Variants in FMN1 observed in about 807,000 individuals in gnomAD.
The protein encoded by FMN1 is formin-1.
Under a neutral mutation model 132.4 loss-of-function variants are expected in FMN1, and 110 were observed. The ratio of observed to expected loss-of-function variants is 0.83; its 90% CI spans 0.71 to 0.97. The LOEUF is 0.97. Among genes scored for constraint, FMN1 ranks in the 50% least tolerant of loss-of-function variants. The pLI is 0.00. For synonymous variants in FMN1, 722 were observed against 651.7 expected (o/e 1.11, Z -1.64); for missense variants, 1,792 against 1,705.3 (o/e 1.05, Z -0.90).
intron 5 of FMN1, among the ~76,000 whole-genome samples, chr15:33,080,698 C>A (rs2038418732): frequency 6.6e-6 from 1 of 151,986 alleles, no homozygotes; most frequent in African/African-American, 2.4e-5. Context: ...ACCAGCCTGA[C>A]CAACATGGTG....
Position 33,162,399 on chromosome 15 carries a change from G to A in FMN1, c.-131-7354C>T, listed in dbSNP as rs142861661. Among the ~76,000 whole-genome samples the A allele has an allele frequency of 1.3e-4, 19 of 151,284 alleles. No individual in the cohort carries two copies. In the East Asian group the frequency reaches 3.7e-3, roughly 29 times the overall value. On this transcript the variant is annotated intron_variant, in intron 3 of 20. Coordinates refer to ENST00000616417, the MANE Select transcript of FMN1 (RefSeq NM_001277313.2). ...ATACACAGCAGAAAGAGACCTATAA[G>A]GTATCAAAGAACAAATCAGAGGAGT... is the stretch of plus-strand genomic sequence containing the variant.
intron 9 of FMN1, among the ~76,000 whole-genome samples, chr15:32,960,394 A>AT (rs2030377702): frequency 6.6e-6 from 1 of 152,122 alleles, no homozygotes; most frequent in African/African-American, 2.4e-5. Flanking sequence ...ATTTGACATG[A>AT]TATTTGGGTG....
chr15:33,083,365 C>T (rs1056678007), intron 5 of FMN1, among the ~76,000 whole-genome samples: 2 of 152,146 alleles, frequency 1.3e-5, no homozygotes, highest in African/African-American at 2.4e-5. Context: ...TTCAACTACA[C>T]TTGAACTTAT....
Position 32,964,145 on chromosome 15 carries a change from G to C in FMN1, c.3100C>G (p.Leu1034Val), listed in dbSNP as rs1422945822. The C allele has an allele frequency of 2.5e-6, 4 of 1,613,002 alleles. No individual in the cohort carries two copies. The highest frequency in any genetic ancestry group is 2.5e-6 in the Non-Finnish European group (3 of 1,179,484). The change falls in exon 9 of 21, where the codon CTG becomes GTG. Residue 1034 changes from leucine (L) to valine (V), a missense_variant. Physicochemically the swap from Leu to Val is conservative, Grantham distance 32 (BLOSUM62 1). Transcript: ENST00000616417. ...TTTTTCTTCTCATAAGTCTCTGACA[G>C]AGGTTTTTTCTTCTGTTGAGTTGTG... ...KDTTQQKKKP[L>V]SETYEKKNKV...
At chr15:32,987,800 A>C (rs1406032125) in intron 7 of FMN1, among the ~76,000 whole-genome samples, 1 of 152,168 alleles carries the variant, frequency 6.6e-6, no homozygotes, top group Admixed American at 6.6e-5. Flanking sequence ...TTTACCTATG[A>C]AGAAACACTT....
chr15:32,951,026 C>T (rs996255178), intron 9 of FMN1, among the ~76,000 whole-genome samples: 21 of 151,676 alleles, frequency 1.4e-4, no homozygotes, highest in African/African-American at 4.8e-4. Context: ...AAATTCTATT[C>T]ATGCATTATG....
At chr15:32,814,722 T>G (rs934647974) in intron 17 of FMN1, among the ~76,000 whole-genome samples, 5 of 152,196 alleles carry the variant, frequency 3.3e-5, no homozygotes, top group African/African-American at 1.2e-4. Flanking sequence ...ATCTTAACAT[T>G]AGCACTAGTC....
In FMN1 at chr15:32,772,892, T is replaced by G. The variant is rs1426549732; in HGVS notation, c.*1418A>C. ...AAGTCCAGGGGTTCTGGAAAGATGC[T>G]GGGGCAAGGGGCAGGCCACATGTGG... On this transcript the variant is annotated 3_prime_UTR_variant, in exon 21 of 21. Coordinates refer to ENST00000616417, the MANE Select transcript of FMN1 (RefSeq NM_001277313.2). 1 of 152,728 alleles carries G rather than the reference T, an allele frequency of 6.5e-6. No homozygotes were observed. The highest frequency in any genetic ancestry group is 1.5e-5 in the Non-Finnish European group (1 of 68,498). The allele number at this position is 152,728 out of a possible 1,614,324, so 9.5% of individuals were successfully genotyped here.
chr15:32,938,340 T>C (rs767325698), intron 9 of FMN1, among the ~76,000 whole-genome samples: 4 of 151,916 alleles, frequency 2.6e-5, no homozygotes, highest in Non-Finnish European at 5.9e-5. Flanking sequence ...ACCAGCCTGG[T>C]CAACATGATG....
chr15:33,016,751 A>C (rs1331631767), intron 6 of FMN1, among the ~76,000 whole-genome samples: 1 of 152,184 alleles, frequency 6.6e-6, no homozygotes, highest in African/African-American at 2.4e-5. Flanking sequence ...GACAGTTTTT[A>C]AGCCTCACCC....
At chr15:33,018,973 G>T (rs888665631) in intron 6 of FMN1, among the ~76,000 whole-genome samples, 1 of 152,194 alleles carries the variant, frequency 6.6e-6, no homozygotes, top group Non-Finnish European at 1.5e-5. Context: ...TGGGCCCAAA[G>T]GAGTGAGCAG....
chr15:32,897,220 T>C (rs1287804987), intron 15 of FMN1, among the ~76,000 whole-genome samples: 1 of 152,222 alleles, frequency 6.6e-6, no homozygotes, highest in African/African-American at 2.4e-5. Flanking sequence ...GTTTGTCTTA[T>C]TTGGAGAAAT....
At position 33,057,376 on chromosome 15, in the gene FMN1, C is replaced by T. The variant is rs543407700; in HGVS notation, c.2161+7581G>A. On this transcript the variant is annotated intron_variant, in intron 6 of 20. Transcript: ENST00000616417. ...ACTCAGAGCTATATACTCTTGTGTA[C>T]TTTTCTCTATTTTTGTTATTCTTCT... Among the ~76,000 whole-genome samples, 4 of 152,184 alleles carry T rather than the reference C, an allele frequency of 2.6e-5. 1 individual carries two copies. Among genetic ancestry groups the T allele is most frequent in the African/African-American group, 9.6e-5 (4 of 41,528 alleles).
At chr15:33,014,903 T>C (rs931810592) in intron 6 of FMN1, among the ~76,000 whole-genome samples, 2 of 152,242 alleles carry the variant, frequency 1.3e-5, no homozygotes, top group South Asian at 4.1e-4. Flanking sequence ...GTTTACCTAA[T>C]TACATATGGG....
intron 6 of FMN1, among the ~76,000 whole-genome samples, chr15:33,049,151 C>T (rs942130615): frequency 1.3e-5 from 2 of 152,178 alleles, no homozygotes; most frequent in Admixed American, 6.5e-5. Context: ...TGTGTCAAAA[C>T]TTGGTGCTAA....
intron 7 of FMN1, among the ~76,000 whole-genome samples, chr15:32,971,498 A>G (rs2031789431): frequency 6.6e-6 from 1 of 152,114 alleles, no homozygotes; most frequent in Non-Finnish European, 1.5e-5. Flanking sequence ...ACATCGTATC[A>G]TTTCCATCTT....
At chr15:33,097,060 G>A (rs345792) in intron 4 of FMN1, among the ~76,000 whole-genome samples, 7 of 152,094 alleles carry the variant, frequency 4.6e-5, no homozygotes, top group South Asian at 2.1e-4. Context: ...TTGGGAGGCC[G>A]AGGTGGGTGG....
intron 17 of FMN1, among the ~76,000 whole-genome samples, chr15:32,846,966 T>A (rs1415178705): frequency 6.6e-6 from 1 of 152,156 alleles, no homozygotes; most frequent in Non-Finnish European, 1.5e-5. Context: ...GGGCTATACA[T>A]AGAAAGAAAG....
intron 18 of FMN1, among the ~76,000 whole-genome samples, chr15:32,802,642 G>C (rs1050948128): frequency 6.6e-6 from 1 of 152,188 alleles, no homozygotes. Flanking sequence ...GCTAATGCAC[G>C]GCAGCAGTTT....
Sources: gnomAD v4.1 joint callset for allele counts (sites outside exome capture counted in the v4.1 genomes callset) on GRCh38, gnomAD v4.1.1 for gene constraint, MANE v1.5 for transcripts, NCBI Gene and HGNC (gene_info 2026-07-23, HGNC 2026-07-21) for gene names.